NDFIP1: variants seen among roughly 807,000 people sequenced by gnomAD.
NDFIP1 encodes Nedd4 family interacting protein 1, also known as NEDD4 family-interacting protein 1.
A neutral mutation model predicts 28.8 loss-of-function variants in NDFIP1; 7 were observed. That is an observed-to-expected ratio of 0.24 (90% CI 0.14 to 0.46). The LOEUF (loss-of-function observed/expected upper bound fraction) is 0.46, where lower values mean the gene tolerates loss of function less well. Ranked by LOEUF, NDFIP1 falls within the 20% of genes least tolerant of loss-of-function variation. The pLI is 0.99. For synonymous variants in NDFIP1, 92 were observed against 101.0 expected (o/e 0.91, Z 0.53); for missense variants, 194 against 269.1 (o/e 0.72, Z 1.95).
rs772998463 is a variant in NDFIP1 at position 142,132,296 on chromosome 5, C to G, written c.236C>G (p.Ala79Gly). 3 of 1,614,116 alleles carry G rather than the reference C, an allele frequency of 1.9e-6. No individual in the cohort carries two copies. Among genetic ancestry groups the G allele is most frequent in the Non-Finnish European group, 2.5e-6 (3 of 1,180,026 alleles). The change falls in exon 3 of 8, where the codon GCG becomes GGG. Residue 79 changes from alanine to glycine, a missense_variant. Coordinates refer to ENST00000253814, the MANE Select transcript of NDFIP1 (RefSeq NM_030571.4). ...VATTLPSYDEAERTKAEATIP... is the reference protein window; with the variant it reads ...VATTLPSYDEGERTKAEATIP... ...ACAACACTGCCCAGTTATGATGAAG[C>G]GGAGAGGACCAAGGCTGAAGCTACT...
rs1757466150 is a variant in NDFIP1 at position 142,153,256 on chromosome 5, A to G, written c.*1528A>G. ...ACCAGTTGTTTTTATGATATCAGCC[A>G]TTTGATTTTTTTCATTTTCTATTTA... is the stretch of plus-strand genomic sequence containing the variant. On this transcript the variant is annotated 3_prime_UTR_variant, in exon 8 of 8. Transcript: ENST00000253814. 1 of 450,660 alleles carries G rather than the reference A, an allele frequency of 2.2e-6. No individual in the cohort carries two copies. Among genetic ancestry groups the G allele is most frequent in the East Asian group, 7.0e-5 (1 of 14,378 alleles). The allele number at this position is 450,660 out of a possible 1,614,324, so 27.9% of individuals were successfully genotyped here. A position where few individuals can be genotyped will look rare whatever the true frequency, so the allele number is the denominator to read the frequency against.
intron 7 of NDFIP1, among the ~76,000 whole-genome samples, chr5:142,147,748 A>G (rs1561605752): frequency 6.6e-6 from 1 of 152,202 alleles, no homozygotes. Flanking sequence ...GGAGATAGGG[A>G]TAGGGGAGAG....
At chr5:142,122,200 C>T (rs1231935239) in intron 1 of NDFIP1, among the ~76,000 whole-genome samples, 1 of 152,198 alleles carries the variant, frequency 6.6e-6, no homozygotes, top group Admixed American at 6.5e-5. Flanking sequence ...CAGTCACTCT[C>T]CTCCCGGGAC....
intron 5 of NDFIP1, among the ~76,000 whole-genome samples, chr5:142,139,354 C>A (rs1197332283): frequency 1.1e-4 from 16 of 139,436 alleles, no homozygotes; most frequent in Admixed American, 1.1e-3. Flanking sequence ...ATTTTATTTC[C>A]CCTGAAAACA....
intron 1 of NDFIP1, among the ~76,000 whole-genome samples, chr5:142,122,711 A>T (rs554796144): frequency 6.6e-6 from 1 of 152,204 alleles, no homozygotes; most frequent in Non-Finnish European, 1.5e-5. Flanking sequence ...TTTCATTTCT[A>T]TAATGACTAA....
intron 7 of NDFIP1, among the ~76,000 whole-genome samples, chr5:142,151,520 G>T (rs562210250): frequency 3.9e-5 from 6 of 152,250 alleles, no homozygotes; most frequent in African/African-American, 1.2e-4. Flanking sequence ...AAGCATTCCA[G>T]TTTTTTCTAG....
chr5:142,126,182 T>A (rs558129664), intron 1 of NDFIP1, among the ~76,000 whole-genome samples: 2 of 152,170 alleles, frequency 1.3e-5, no homozygotes, highest in Non-Finnish European at 1.5e-5. Context: ...CCAAAAGAAA[T>A]GTGCTTGTTT....
chr5:142,130,696 C>CAA (rs11405616), intron 1 of NDFIP1, among the ~76,000 whole-genome samples: 2,246 of 145,606 alleles, frequency 0.015, 50 homozygotes, highest in African/African-American at 0.05. Context: ...CCTGTCTCTC[C>CAA]AAAAAAAAAA....
chr5:142,134,287 G>A (rs1170229966), intron 3 of NDFIP1, among the ~76,000 whole-genome samples: 4 of 152,110 alleles, frequency 2.6e-5, no homozygotes, highest in African/African-American at 9.7e-5. Flanking sequence ...ACAGTTAGAA[G>A]GTGTTCGTAA....
intron 2 of NDFIP1, 39 bp downstream of exon 2, chr5:142,131,934 A>T (rs1757232119): frequency 6.6e-7 from 1 of 1,506,296 alleles, no homozygotes. Context: ...ATCCTTAAAA[A>T]CACTCTGTGC....
chr5:142,111,953 G>A (rs1596779563), intron 1 of NDFIP1, among the ~76,000 whole-genome samples: 1 of 152,268 alleles, frequency 6.6e-6, no homozygotes, highest in African/African-American at 2.4e-5. Flanking sequence ...TGTAATCCCA[G>A]CTACTTGGGA....
At chr5:142,141,239 G>A (rs1028179587) in intron 6 of NDFIP1, among the ~76,000 whole-genome samples, 1 of 126,616 alleles carries the variant, frequency 7.9e-6, no homozygotes, top group Non-Finnish European at 1.6e-5. Flanking sequence ...GCAGTGGCGT[G>A]ATCTCGGCTC....
At chr5:142,134,944 C>T (rs1276308070) in intron 3 of NDFIP1, among the ~76,000 whole-genome samples, 1 of 151,994 alleles carries the variant, frequency 6.6e-6, no homozygotes, top group African/African-American at 2.4e-5. Context: ...CTTTTTTCCC[C>T]TATATCAGCC....
intron 6 of NDFIP1, among the ~76,000 whole-genome samples, chr5:142,141,168 CTTTTTTTTTTTTTT>C (rs1161113130): frequency 6.7e-5 from 4 of 59,940 alleles, no homozygotes; most frequent in Admixed American, 2.5e-4. Flanking sequence ...GGCAAGAGGA[CTTTTTTTTTTTTTT>C]TTTTTTTTTT....
At chr5:142,137,194 G>T (rs1034058635) in intron 4 of NDFIP1, among the ~76,000 whole-genome samples, 1 of 151,456 alleles carries the variant, frequency 6.6e-6, no homozygotes, top group Non-Finnish European at 1.5e-5. Flanking sequence ...TTGCTCTGTT[G>T]CCCAGGCTGA....
chr5:142,137,722 C>T lies in NDFIP1; in HGVS notation c.371-12C>T. ...ACATGTCTAACATCTTTCCCCTCCT[C>T]TGCTTTTGCAGTGGCATTCCTCTTT... On this transcript the variant is annotated splice_polypyrimidine_tract_variant and intron_variant, in intron 4 of 7. Coordinates refer to ENST00000253814, the MANE Select transcript of NDFIP1 (RefSeq NM_030571.4). 6.2e-7 allele frequency: 1 copy of T among 1,613,858 alleles called. No homozygotes were observed. Among genetic ancestry groups the T allele is most frequent in the Non-Finnish European group, 8.5e-7 (1 of 1,179,850 alleles).
intron 1 of NDFIP1, among the ~76,000 whole-genome samples, chr5:142,122,996 T>C (rs1757135702): frequency 1.3e-5 from 2 of 152,218 alleles, no homozygotes; most frequent in Admixed American, 6.5e-5. Context: ...AGAGTCTCGC[T>C]CTGTTGCCCA....
chr5:142,139,081 A>T (rs549132119), intron 5 of NDFIP1, among the ~76,000 whole-genome samples: 10 of 152,150 alleles, frequency 6.6e-5, no homozygotes, highest in Non-Finnish European at 7.4e-5. Context: ...ATAGCCAGAC[A>T]TGGTAGCGGG....
intron 1 of NDFIP1, among the ~76,000 whole-genome samples, chr5:142,119,986 C>T (rs1321415382): frequency 2.0e-5 from 3 of 152,176 alleles, no homozygotes; most frequent in Non-Finnish European, 2.9e-5. Context: ...GACGGAGTCT[C>T]GCTCTGTTGT....
Sources: allele counts gnomAD v4.1 joint callset (sites outside exome capture counted in the v4.1 genomes callset), GRCh38; gene constraint gnomAD v4.1.1; transcripts MANE v1.5; gene names NCBI Gene and HGNC (gene_info 2026-07-23, HGNC 2026-07-21).